The following GNA14 variants were observed in gnomAD, a reference collection of about 807,000 sequenced individuals.
GNA14 encodes G protein subunit alpha 14, also known as guanine nucleotide-binding protein subunit alpha-14.
GNA14 carries 50 observed loss-of-function variants against 42.0 expected under a neutral mutation model. The ratio of observed to expected loss-of-function variants is 1.19; its 90% confidence interval spans 0.95 to 1.51. The LOEUF (loss-of-function observed/expected upper bound fraction) is 1.51, where lower values mean the gene tolerates loss of function less well. Ranked by LOEUF, GNA14 falls within the 40% of genes most tolerant of loss-of-function variation. GNA14 has a pLI of 0.00. For missense variants in GNA14, 473 were observed against 446.2 expected (o/e 1.06, Z -0.54); for synonymous variants, 173 against 163.1 (o/e 1.06, Z -0.46).
intron 1 of GNA14, among the ~76,000 whole-genome samples, chr9:77,560,284 G>GTT (rs1381822632): frequency 7.1e-6 from 1 of 139,994 alleles, no homozygotes; most frequent in African/African-American, 2.8e-5. Context: ...TTCCTCTCCA[G>GTT]TCTTTTTTTT....
At chr9:77,640,649 A>G (rs1824242118) in intron 1 of GNA14, among the ~76,000 whole-genome samples, 1 of 152,072 alleles carries the variant, frequency 6.6e-6, no homozygotes, top group Admixed American at 6.6e-5. Flanking sequence ...ATGACTTAGC[A>G]CCTTGATTCT....
At chr9:77,521,895 C>T (rs12115596) in intron 2 of GNA14, among the ~76,000 whole-genome samples, 7,238 of 152,132 alleles carry the variant, frequency 0.048, 599 homozygotes, top group African/African-American at 0.16. Context: ...TGCAATGGCG[C>T]GATCTTGGCT....
intron 2 of GNA14, among the ~76,000 whole-genome samples, chr9:77,499,850 A>T (rs535534082): frequency 5.9e-5 from 9 of 151,782 alleles, no homozygotes; most frequent in Admixed American, 2.0e-4. Flanking sequence ...ACTGTCTCAA[A>T]AAATAAATAA....
chr9:77,535,658 G>A (rs937622134), intron 1 of GNA14, among the ~76,000 whole-genome samples: 2 of 152,136 alleles, frequency 1.3e-5, no homozygotes, highest in Admixed American at 6.5e-5. Flanking sequence ...ATCCAATGAG[G>A]GAGACGATGC....
At chr9:77,487,018 T>TAAAAA (rs35749481) in intron 2 of GNA14, among the ~76,000 whole-genome samples, 2 of 144,676 alleles carry the variant, frequency 1.4e-5, no homozygotes, top group African/African-American at 5.1e-5. Flanking sequence ...TTCAATTTGT[T>TAAAAA]AAAAAAAAAA....
chr9:77,457,073 G>A (rs1339883763), intron 2 of GNA14, among the ~76,000 whole-genome samples: 6 of 152,192 alleles, frequency 3.9e-5, no homozygotes, highest in African/African-American at 1.4e-4. Context: ...GCAAGACCCA[G>A]GGTGCTTACT....
intron 2 of GNA14, among the ~76,000 whole-genome samples, chr9:77,444,658 C>A (rs939758355): frequency 6.6e-6 from 1 of 152,198 alleles, no homozygotes; most frequent in Non-Finnish European, 1.5e-5. Context: ...CCAGTGTCTT[C>A]TTCACAGCTC....
chr9:77,559,827 A>C (rs1409271491), intron 1 of GNA14, among the ~76,000 whole-genome samples: 1 of 152,218 alleles, frequency 6.6e-6, no homozygotes, highest in Non-Finnish European at 1.5e-5. Flanking sequence ...AGGTGCAGTC[A>C]TGGCTTAATA....
chr9:77,615,424 G>C (rs763158830), intron 1 of GNA14, among the ~76,000 whole-genome samples: 1 of 151,990 alleles, frequency 6.6e-6, no homozygotes, highest in Non-Finnish European at 1.5e-5. Flanking sequence ...GTCCTGAGGA[G>C]TTCCCATCAC....
At chr9:77,555,512 A>G (rs971700890) in intron 1 of GNA14, among the ~76,000 whole-genome samples, 1 of 152,214 alleles carries the variant, frequency 6.6e-6, no homozygotes, top group Non-Finnish European at 1.5e-5. Flanking sequence ...ACAAAAAAAG[A>G]AAAACATCCC....
chr9:77,425,622 C>G lies in GNA14; in HGVS notation c.817G>C (p.Asp273His), dbSNP rs200526690. 7.5e-6 allele frequency: 12 copies of G among 1,607,884 alleles called. No homozygotes were observed. The East Asian group carries it at 2.2e-4, about 30-fold the overall frequency. Reference protein sequence around the residue: ...SSVILFLNKKDLLEEKIMYSH... With the variant: ...SSVILFLNKKHLLEEKIMYSH... ...TACATGATTTTCTCTTCCAAAAGAT[C>G]CTTCTTGTTCAAGAATAAAATCACA... The change falls in exon 6 of 7, where the codon GAT (aspartate) becomes CAT (histidine). Residue 273 changes from aspartate (D) to histidine (H), a missense_variant. Asp to His is a moderately conservative substitution (Grantham distance 81, BLOSUM62 -1). Coordinates refer to ENST00000341700, the MANE Select transcript of GNA14 (RefSeq NM_004297.4).
At chr9:77,476,289 C>T (rs2131724648) in intron 2 of GNA14, among the ~76,000 whole-genome samples, 1 of 152,286 alleles carries the variant, frequency 6.6e-6, no homozygotes, top group Middle Eastern at 3.4e-3. Flanking sequence ...GTTAAAATAG[C>T]ACAGAATATC....
intron 1 of GNA14, among the ~76,000 whole-genome samples, chr9:77,554,476 T>G (rs376381510): frequency 3.3e-4 from 50 of 152,360 alleles, no homozygotes; most frequent in African/African-American, 1.2e-3. Context: ...TCAGTTTGAC[T>G]GTTAGCAAGA....
chr9:77,628,753 A>T (rs565756035), intron 1 of GNA14, among the ~76,000 whole-genome samples: 1 of 152,350 alleles, frequency 6.6e-6, no homozygotes, highest in South Asian at 2.1e-4. Flanking sequence ...TGGATTATAG[A>T]CTTAAACATA....
At chr9:77,457,649 C>T (rs1247796259) in intron 2 of GNA14, among the ~76,000 whole-genome samples, 2 of 152,156 alleles carry the variant, frequency 1.3e-5, no homozygotes, top group East Asian at 3.8e-4. Context: ...TTCCAGCGAC[C>T]ACATTTCCCA....
chr9:77,607,781 C>T (rs1413712819), intron 1 of GNA14, among the ~76,000 whole-genome samples: 1 of 152,146 alleles, frequency 6.6e-6, no homozygotes, highest in Admixed American at 6.5e-5. Flanking sequence ...CTTGCAGGCA[C>T]TGGCCTTCTT....
intron 2 of GNA14, among the ~76,000 whole-genome samples, chr9:77,459,350 G>A (rs1386624565): frequency 1.3e-5 from 2 of 152,144 alleles, no homozygotes; most frequent in South Asian, 2.1e-4. Context: ...AAGATTGCCT[G>A]CAGCTCAGCC....
At chr9:77,507,310 G>A (rs1837087724) in intron 2 of GNA14, among the ~76,000 whole-genome samples, 4 of 152,172 alleles carry the variant, frequency 2.6e-5, no homozygotes, top group African/African-American at 7.2e-5. Context: ...AAGTCCAAAT[G>A]GCTCGTTGGG....
At chr9:77,510,384 G>A (rs1024625372) in intron 2 of GNA14, among the ~76,000 whole-genome samples, 1 of 152,152 alleles carries the variant, frequency 6.6e-6, no homozygotes, top group Non-Finnish European at 1.5e-5. Context: ...CACCCAGGCT[G>A]GACTGCAGTG....
Sources: allele counts gnomAD v4.1 joint callset (sites outside exome capture counted in the v4.1 genomes callset), GRCh38; gene constraint gnomAD v4.1.1; transcripts MANE v1.5; gene names NCBI Gene and HGNC (gene_info 2026-07-23, HGNC 2026-07-21).